The following CWC22 variants were observed in gnomAD, a reference collection of about 807,000 sequenced individuals.
CWC22 encodes CWC22 spliceosome associated protein.
CWC22 carries 53 observed loss-of-function variants against 117.2 expected under a neutral mutation model. The ratio of observed to expected loss-of-function variants is 0.45; its 90% CI spans 0.36 to 0.57. The LOEUF (loss-of-function observed/expected upper bound fraction) is 0.57. Ranked by LOEUF, CWC22 falls within the 20% of genes least tolerant of loss-of-function variation. CWC22 has a pLI of 0.00. For missense variants in CWC22, 980 were observed against 1,068.8 expected (o/e 0.92, Z 1.16); for synonymous variants, 360 against 355.6 (o/e 1.01, Z -0.14).
At chr2:179,946,531 G>C (rs1686308290) in intron 19 of CWC22, among the ~76,000 whole-genome samples, 1 of 150,140 alleles carries the variant, frequency 6.7e-6, no homozygotes, top group African/African-American at 2.5e-5. Context: ...AGTTACCAAA[G>C]TACTGTTTTG....
intron 11 of CWC22, among the ~76,000 whole-genome samples, chr2:179,967,728 T>C (rs529875493): frequency 3.1e-5 from 4 of 129,016 alleles, no homozygotes; most frequent in African/African-American, 1.1e-4. Flanking sequence ...TTCATATATA[T>C]AGCCCTTCTG....
chr2:179,946,154 A>G (rs1184074861), intron 19 of CWC22, among the ~76,000 whole-genome samples: 3 of 152,084 alleles, frequency 2.0e-5, no homozygotes, highest in Non-Finnish European at 2.9e-5. Flanking sequence ...AGAATATACA[A>G]TATTTCAGGC....
chr2:179,985,542 T>G (rs1687397486), intron 4 of CWC22, among the ~76,000 whole-genome samples: 1 of 152,008 alleles, frequency 6.6e-6, no homozygotes, highest in South Asian at 2.1e-4. Context: ...TTAAAGGGAA[T>G]TATTAAAACG....
intron 6 of CWC22, among the ~76,000 whole-genome samples, chr2:179,975,708 C>T (rs1277810259): frequency 2.0e-5 from 3 of 152,004 alleles, no homozygotes; most frequent in African/African-American, 7.3e-5. Context: ...AGGAATAAAT[C>T]TAACCATGGA....
At chr2:179,964,504 T>C in intron 13 of CWC22, 43 bp downstream of exon 13, 1 of 1,102,694 alleles carries the variant, frequency 9.1e-7, no homozygotes, top group Non-Finnish European at 1.3e-6. Context: ...ACCCATCCCT[T>C]ATCAAAAACA....
At chr2:180,001,137 T>C (rs1350700909) in intron 1 of CWC22, among the ~76,000 whole-genome samples, 2 of 152,190 alleles carry the variant, frequency 1.3e-5, no homozygotes, top group South Asian at 2.1e-4. Flanking sequence ...CAGTACAGTA[T>C]TGATTTCTAT....
chr2:179,959,529 T>G (rs1486089244), intron 13 of CWC22, among the ~76,000 whole-genome samples: 1 of 152,146 alleles, frequency 6.6e-6, no homozygotes, highest in African/African-American at 2.4e-5. Context: ...ATGACACGGT[T>G]ATCTAATGAG....
chr2:179,963,375 C>T (rs1282166705), intron 13 of CWC22, among the ~76,000 whole-genome samples: 24 of 117,536 alleles, frequency 2.0e-4, no homozygotes, highest in African/African-American at 5.9e-4. Context: ...CGGAGTCTCG[C>T]TCTGTCGCCC....
chr2:180,006,418 C>T (rs1408239676), intron 1 of CWC22, among the ~76,000 whole-genome samples: 1 of 152,144 alleles, frequency 6.6e-6, no homozygotes, highest in Non-Finnish European at 1.5e-5. Flanking sequence ...GCAGTTATTA[C>T]CTCACTGGAG....
chr2:179,968,261 T>C (rs1210459206), intron 11 of CWC22, among the ~76,000 whole-genome samples: 1 of 152,210 alleles, frequency 6.6e-6, no homozygotes, highest in Non-Finnish European at 1.5e-5. Context: ...TCATTGATAT[T>C]GTTTCAGAAT....
intron 1 of CWC22, among the ~76,000 whole-genome samples, chr2:180,003,309 G>C (rs1324266925): frequency 6.6e-6 from 1 of 152,190 alleles, no homozygotes; most frequent in Non-Finnish European, 1.5e-5. Context: ...CACTGCAAAA[G>C]GAAATCTGTC....
intron 1 of CWC22, among the ~76,000 whole-genome samples, chr2:180,006,384 G>A (rs1687974156): frequency 6.6e-6 from 1 of 152,188 alleles, no homozygotes; most frequent in African/African-American, 2.4e-5. Flanking sequence ...CGTTAGAGAG[G>A]TGGAGCCTGG....
chr2:179,958,156 C>T (rs1686646315), intron 14 of CWC22, among the ~76,000 whole-genome samples: 1 of 151,790 alleles, frequency 6.6e-6, no homozygotes, highest in South Asian at 2.1e-4. Flanking sequence ...CATGGTGAAA[C>T]ACCATCGCTA....
chr2:179,951,070 A>C (rs1686434984), intron 17 of CWC22, 144 bp from the exon 18 acceptor site: 6 of 591,228 alleles, frequency 1.0e-5, no homozygotes, highest in Non-Finnish European at 1.8e-5. Context: ...TTATTAGGTT[A>C]GGCTACGTGC....
chr2:179,998,795 G>A (rs963187820), intron 1 of CWC22, among the ~76,000 whole-genome samples: 6 of 151,920 alleles, frequency 3.9e-5, no homozygotes, highest in Non-Finnish European at 5.9e-5. Context: ...TATACTATGA[G>A]CAAAAAATAA....
rs1687011643 is a variant in CWC22, at chr2:179,970,722, A to T, written c.1075T>A (p.Leu359Met). 9.3e-6 allele frequency: 15 copies of T among 1,613,706 alleles called. No individual in the cohort carries two copies. The highest frequency in any genetic ancestry group is 4.5e-5 in the East Asian group (2 of 44,840). The part of the protein sequence containing the change: ...DHPIILEGLD[L>M]VEEDDQFTHM... ...GTGAATTGATCATCTTCTTCCACCA[A>T]ATCAAGACCTTCTAGGATAATGGGG... Residue 359 changes from leucine (L) to methionine (M), a missense_variant, in exon 10 of 20, where the codon TTG becomes ATG. By Grantham distance (15) the Leu-to-Met change is conservative. This residue lies in a region of CWC22 where 559 missense variants were observed against 602.3 expected (regional missense o/e 0.93). Transcript: ENST00000410053.
intron 3 of CWC22, 37 bp from the exon 4 acceptor site, chr2:179,986,842 A>C: frequency 8.8e-7 from 1 of 1,142,820 alleles, no homozygotes. Flanking sequence ...GCAAATTAAA[A>C]ACAACTATGT....
chr2:179,993,417 T>C lies in CWC22; in HGVS notation c.-76A>G. 6 of 1,032,560 alleles carry C rather than the reference T, an allele frequency of 5.8e-6. No individual in the cohort carries two copies. The South Asian group carries it at 8.3e-5, about 14-fold the overall frequency. The allele number at this position is 1,032,560 out of a possible 1,614,324, so 64.0% of individuals were successfully genotyped here. A position where few individuals can be genotyped will look rare whatever the true frequency, so the allele number is the denominator to read the frequency against. ...AATAACAAGTACCCAATGCTCTGAA[T>C]TCCTTGACAGTTTACTTTTTCTGTC... On this transcript the variant is annotated 5_prime_UTR_variant, in exon 2 of 20. Coordinates refer to ENST00000410053, the MANE Select transcript of CWC22 (RefSeq NM_020943.3).
chr2:179,969,795 G>A (rs989720893), intron 11 of CWC22, among the ~76,000 whole-genome samples: 1 of 152,106 alleles, frequency 6.6e-6, no homozygotes, highest in African/African-American at 2.4e-5. Flanking sequence ...ATGTAAGTAG[G>A]CCTGAGTGTT....
Sources: gnomAD v4.1 joint callset for allele counts (sites outside exome capture counted in the v4.1 genomes callset) on GRCh38, gnomAD v4.1.1 for gene constraint, gnomAD v4.1.1 regional missense constraint, MANE v1.5 for transcripts, NCBI Gene and HGNC (gene_info 2026-07-23, HGNC 2026-07-21) for gene names.